The following PDE4B variants were observed in gnomAD, a reference collection of about 807,000 sequenced individuals.
PDE4B encodes phosphodiesterase 4B.
PDE4B carries 20 observed loss-of-function variants against 82.2 expected under a neutral mutation model. The observed-to-expected ratio is 0.24, with a 90% CI of 0.17 to 0.35. The LOEUF is 0.35. Ranked by LOEUF, PDE4B falls within the 10% of genes least tolerant of loss-of-function variation. The probability of loss-of-function intolerance (pLI) is 1.00; values close to 1 mark genes in which losing one functional copy is unlikely to be tolerated. For synonymous variants in PDE4B, 320 were observed against 318.9 expected (o/e 1.00, Z -0.04); for missense variants, 655 against 907.2 (o/e 0.72, Z 3.57).
chr1:65,908,321 G>A (rs4329483), intron 1 of PDE4B, among the ~76,000 whole-genome samples: 72,005 of 151,862 alleles, frequency 0.47, 17,465 homozygotes, highest in South Asian at 0.66. Flanking sequence ...TATAGTTTGC[G>A]ATGTAGTCTG....
At chr1:65,860,529 T>C (rs1433782638) in intron 1 of PDE4B, among the ~76,000 whole-genome samples, 2 of 152,224 alleles carry the variant, frequency 1.3e-5, no homozygotes, top group Non-Finnish European at 2.9e-5. Context: ...GTCTTTATAG[T>C]AGAATGATAT....
intron 3 of PDE4B, among the ~76,000 whole-genome samples, chr1:66,186,327 T>C (rs1381617564): frequency 1.3e-5 from 2 of 152,308 alleles, no homozygotes; most frequent in Non-Finnish European, 1.5e-5. Flanking sequence ...GGCCCTTTTT[T>C]GGTTCCATAT....
At chr1:66,192,386 A>G (rs573123282) in intron 3 of PDE4B, among the ~76,000 whole-genome samples, 11 of 152,154 alleles carry the variant, frequency 7.2e-5, no homozygotes, top group South Asian at 6.2e-4. Context: ...ACTGATCTCA[A>G]TCTCTGACAA....
chr1:66,190,762 A>T (rs1647721272), intron 3 of PDE4B, among the ~76,000 whole-genome samples: 1 of 152,062 alleles, frequency 6.6e-6, no homozygotes, highest in Non-Finnish European at 1.5e-5. Context: ...TAGGAAAGGG[A>T]ATTCCCTGAC....
chr1:65,884,267 G>T (rs1363865872), intron 1 of PDE4B, among the ~76,000 whole-genome samples: 5 of 152,070 alleles, frequency 3.3e-5, no homozygotes, highest in Non-Finnish European at 5.9e-5. Flanking sequence ...GTAGAATTTG[G>T]CTGTGAATCC....
chr1:65,941,204 C>A (rs1648428155), intron 3 of PDE4B, among the ~76,000 whole-genome samples: 1 of 151,936 alleles, frequency 6.6e-6, no homozygotes, highest in Admixed American at 6.6e-5. Context: ...CCAAGGAGTG[C>A]AGAGGAATTT....
intron 7 of PDE4B, among the ~76,000 whole-genome samples, chr1:66,329,865 C>G (rs558747148): frequency 1.3e-5 from 2 of 152,184 alleles, no homozygotes; most frequent in Non-Finnish European, 2.9e-5. Context: ...TACAGATGGA[C>G]CATTCAGCCT....
At chr1:66,323,043 G>A (rs936582425) in intron 7 of PDE4B, among the ~76,000 whole-genome samples, 1 of 152,040 alleles carries the variant, frequency 6.6e-6, no homozygotes, top group Non-Finnish European at 1.5e-5. Flanking sequence ...TTGCCTTCAA[G>A]TTCATTCTCC....
intron 1 of PDE4B, among the ~76,000 whole-genome samples, chr1:65,902,884 C>G (rs1646987299): frequency 6.6e-6 from 1 of 152,102 alleles, no homozygotes; most frequent in Non-Finnish European, 1.5e-5. Context: ...ACAAAACAAC[C>G]CTTTAATTTA....
chr1:65,966,225 A>G (rs1387000449), intron 3 of PDE4B, among the ~76,000 whole-genome samples: 1 of 152,216 alleles, frequency 6.6e-6, no homozygotes, highest in Non-Finnish European at 1.5e-5. Context: ...TCAATGTGCA[A>G]AAATCACAAG....
At chr1:65,849,137 AG>A (rs1270814572) in intron 1 of PDE4B, among the ~76,000 whole-genome samples, 2 of 152,216 alleles carry the variant, frequency 1.3e-5, no homozygotes, top group Non-Finnish European at 2.9e-5. Flanking sequence ...CTCAATAGAT[AG>A]TGGGGTATTT....
intron 3 of PDE4B, among the ~76,000 whole-genome samples, chr1:66,191,875 A>G (rs897296658): frequency 6.6e-6 from 1 of 152,096 alleles, no homozygotes; most frequent in African/African-American, 2.4e-5. Context: ...CCCTTATAAA[A>G]CCATCAGATC....
intron 7 of PDE4B, among the ~76,000 whole-genome samples, chr1:66,306,405 A>T (rs1658278736): frequency 6.6e-6 from 1 of 152,112 alleles, no homozygotes; most frequent in Non-Finnish European, 1.5e-5. Context: ...TCAAATGAAG[A>T]CTCAACTCTA....
chr1:65,880,376 C>G (rs1006172522), intron 1 of PDE4B, among the ~76,000 whole-genome samples: 3 of 152,220 alleles, frequency 2.0e-5, no homozygotes, highest in Admixed American at 6.5e-5. Context: ...CAGATCCATT[C>G]TCTGCTGTTC....
At chr1:66,104,553 C>T (rs1481430651) in intron 3 of PDE4B, among the ~76,000 whole-genome samples, 2 of 147,682 alleles carry the variant, frequency 1.4e-5, no homozygotes, top group Non-Finnish European at 3.0e-5. Flanking sequence ...ACAGTCCCAC[C>T]AACAGTGTAA....
intron 1 of PDE4B, among the ~76,000 whole-genome samples, chr1:65,911,806 C>T (rs1647095358): frequency 6.6e-6 from 1 of 152,068 alleles, no homozygotes; most frequent in Non-Finnish European, 1.5e-5. Flanking sequence ...AAAGTTTCTC[C>T]CTTCCCCCAT....
chr1:66,102,013 G>A (rs1645235365), intron 3 of PDE4B, among the ~76,000 whole-genome samples: 1 of 152,012 alleles, frequency 6.6e-6, no homozygotes, highest in Admixed American at 6.6e-5. Context: ...TTTTGTATAA[G>A]GTGTAAGGAA....
At chr1:66,191,853 C>A (rs1474796192) in intron 3 of PDE4B, among the ~76,000 whole-genome samples, 1 of 152,040 alleles carries the variant, frequency 6.6e-6, no homozygotes, top group African/African-American at 2.4e-5. Flanking sequence ...GAGAACCAAG[C>A]AAAAGGGAAA....
At chr1:66,243,316 A>ATAG (rs1653031945) in intron 3 of PDE4B, among the ~76,000 whole-genome samples, 1 of 152,214 alleles carries the variant, frequency 6.6e-6, no homozygotes, top group Admixed American at 6.5e-5. Flanking sequence ...GCAGTAAGTT[A>ATAG]TAGTATATTT....
Sources: allele counts gnomAD v4.1 joint callset (sites outside exome capture counted in the v4.1 genomes callset), GRCh38; gene constraint gnomAD v4.1.1; transcripts MANE v1.5; gene names NCBI Gene and HGNC (gene_info 2026-07-23, HGNC 2026-07-21).